Variants in CMSS1 observed in about 807,000 individuals in gnomAD.
The protein encoded by CMSS1 is cms1 ribosomal small subunit homolog.
A neutral mutation model predicts 43.5 loss-of-function variants in CMSS1; 33 were observed. The ratio of observed to expected loss-of-function variants is 0.76; its 90% CI spans 0.57 to 1.01. The LOEUF is 1.01. Among genes scored for constraint, CMSS1 ranks in the 50% least tolerant of loss-of-function variants. CMSS1 has a pLI of 0.00. For synonymous variants in CMSS1, 115 were observed against 117.2 expected, an observed-to-expected ratio of 0.98 and a Z score of 0.12; for missense variants, 313 against 326.4, an observed-to-expected ratio of 0.96 and a Z score of 0.32.
At chr3:99,970,209 G>T (rs765867424) in intron 1 of CMSS1, among the ~76,000 whole-genome samples, 1 of 152,216 alleles carries the variant, frequency 6.6e-6, no homozygotes, top group African/African-American at 2.4e-5. Context: ...TGAAGGCATA[G>T]AAATAATAAG....
chr3:100,052,640 C>G (rs1253793540), intron 1 of CMSS1, among the ~76,000 whole-genome samples: 1 of 152,178 alleles, frequency 6.6e-6, no homozygotes, highest in African/African-American at 2.4e-5. Flanking sequence ...AGTATTAACA[C>G]TGAGAATCCA....
intron 1 of CMSS1, among the ~76,000 whole-genome samples, chr3:99,986,310 G>C (rs1709340975): frequency 6.6e-6 from 1 of 152,154 alleles, no homozygotes; most frequent in Admixed American, 6.5e-5. Flanking sequence ...TGTGGCATTA[G>C]ATATGCCCTC....
intron 2 of CMSS1, among the ~76,000 whole-genome samples, chr3:100,156,343 C>G (rs909993274): frequency 8.7e-6 from 1 of 114,554 alleles, no homozygotes; most frequent in Non-Finnish European, 1.6e-5. Flanking sequence ...GAGTTCGGCT[C>G]TGTCACCCAG....
At chr3:100,067,038 A>ACT (rs2065678115) in intron 1 of CMSS1, among the ~76,000 whole-genome samples, 1 of 152,182 alleles carries the variant, frequency 6.6e-6, no homozygotes, top group Non-Finnish European at 1.5e-5. Context: ...CTTTGTATTC[A>ACT]GAAGGGCAAG....
At chr3:99,890,685 T>C (rs1014397331) in intron 1 of CMSS1, among the ~76,000 whole-genome samples, 6 of 152,246 alleles carry the variant, frequency 3.9e-5, no homozygotes, top group South Asian at 4.1e-4. Flanking sequence ...TTTGACCATT[T>C]TCTATAGTCT....
intron 2 of CMSS1, 75 bp downstream of exon 2, chr3:100,147,136 C>T: frequency 6.6e-7 from 1 of 1,508,058 alleles, no homozygotes; most frequent in Admixed American, 1.9e-5. Flanking sequence ...ATTGAACTCC[C>T]CATGTCCTAA....
At chr3:100,004,470 G>A (rs1203164941) in intron 1 of CMSS1, among the ~76,000 whole-genome samples, 1 of 152,200 alleles carries the variant, frequency 6.6e-6, no homozygotes, top group Non-Finnish European at 1.5e-5. Context: ...AAAATCCAAT[G>A]AGGTCACCCA....
chr3:99,903,758 A>G (rs1489283065), intron 1 of CMSS1, among the ~76,000 whole-genome samples: 1 of 152,144 alleles, frequency 6.6e-6, no homozygotes, highest in African/African-American at 2.4e-5. Flanking sequence ...TGGATCAGTG[A>G]CGTGGCCCCC....
intron 1 of CMSS1, among the ~76,000 whole-genome samples, chr3:100,103,989 G>C (rs955667501): frequency 4.6e-5 from 7 of 152,300 alleles, no homozygotes; most frequent in Admixed American, 4.6e-4. Context: ...TCAGTTAGTA[G>C]AAGCGTCCTC....
chr3:100,156,511 G>A (rs751498988), intron 2 of CMSS1, among the ~76,000 whole-genome samples: 8 of 151,566 alleles, frequency 5.3e-5, no homozygotes, highest in Non-Finnish European at 7.4e-5. Context: ...GTTTCACCAT[G>A]TTGGTCAGGC....
intron 1 of CMSS1, among the ~76,000 whole-genome samples, chr3:100,139,174 C>T (rs1264300809): frequency 6.6e-6 from 1 of 152,036 alleles, no homozygotes; most frequent in Non-Finnish European, 1.5e-5. Flanking sequence ...GGGACCATCA[C>T]ACACCAGGGC....
chr3:99,983,466 A>ATATG (rs1559713732), intron 1 of CMSS1, among the ~76,000 whole-genome samples: 1 of 6,156 alleles, frequency 1.6e-4, no homozygotes, highest in Non-Finnish European at 3.3e-4. Context: ...ATATGTGTGT[A>ATATG]TATATATATA....
chr3:99,874,066 G>A (rs1285676299), intron 1 of CMSS1, among the ~76,000 whole-genome samples: 1 of 152,158 alleles, frequency 6.6e-6, no homozygotes, highest in Non-Finnish European at 1.5e-5. Context: ...AGTTTTAAAA[G>A]AGGTCTTATG....
intron 1 of CMSS1, among the ~76,000 whole-genome samples, chr3:100,056,953 G>A (rs938281914): frequency 1.3e-5 from 2 of 152,060 alleles, no homozygotes; most frequent in Non-Finnish European, 2.9e-5. Flanking sequence ...GCAGTGAGCC[G>A]AGATCGCACC....
At chr3:99,851,974 A>G (rs1224980485) in intron 1 of CMSS1, among the ~76,000 whole-genome samples, 2 of 152,228 alleles carry the variant, frequency 1.3e-5, no homozygotes, top group Non-Finnish European at 2.9e-5. Context: ...GATGCTAGAC[A>G]TGACAGAAGA....
intron 6 of CMSS1, among the ~76,000 whole-genome samples, chr3:100,169,344 G>A (rs565403958): frequency 1.8e-4 from 27 of 152,330 alleles, no homozygotes; most frequent in Non-Finnish European, 3.5e-4. Flanking sequence ...GAGAAGAGCC[G>A]TGAGAGTCAG....
chr3:99,905,957 C>A (rs1267638884), intron 1 of CMSS1, among the ~76,000 whole-genome samples: 1 of 152,170 alleles, frequency 6.6e-6, no homozygotes, highest in Non-Finnish European at 1.5e-5. Flanking sequence ...GTTTGGGAGG[C>A]TGAGGCAGGC....
At position 100,001,152 on chromosome 3, in the gene CMSS1, T is replaced by A. The variant is rs143283732; in HGVS notation, c.65-145821T>A. On this transcript the variant is annotated intron_variant, in intron 1 of 9. Transcript: ENST00000421999. ...TGGCTTAGATTTAAATAGGGTTAAGTGGTGATAAATTTAGTAGTAGTAGCC... is the reference window on the plus strand; with the variant it reads ...TGGCTTAGATTTAAATAGGGTTAAGAGGTGATAAATTTAGTAGTAGTAGCC... Among the ~76,000 whole-genome samples the A allele has an allele frequency of 2.1e-3, 314 of 152,334 alleles. 1 individual carries two copies. The highest frequency in any genetic ancestry group is 1.5e-3 in the Non-Finnish European group (104 of 68,014).
intron 1 of CMSS1, among the ~76,000 whole-genome samples, chr3:99,834,784 T>C (rs983124700): frequency 6.6e-6 from 1 of 152,230 alleles, no homozygotes; most frequent in African/African-American, 2.4e-5. Context: ...GCACAAGCCG[T>C]GGAGCCAGTC....
Sources: allele counts gnomAD v4.1 joint callset (sites outside exome capture counted in the v4.1 genomes callset), GRCh38; gene constraint gnomAD v4.1.1; transcripts MANE v1.5; gene names NCBI Gene and HGNC (gene_info 2026-07-23, HGNC 2026-07-21).